ZBTB4: variants seen among roughly 807,000 people sequenced by gnomAD.
The protein encoded by ZBTB4 is zinc finger and BTB domain containing 4.
A neutral mutation model predicts 59.8 loss-of-function variants in ZBTB4; 14 were observed. The observed-to-expected ratio is 0.23, with a 90% CI of 0.15 to 0.37. The LOEUF (loss-of-function observed/expected upper bound fraction) is 0.37. ZBTB4 is among the 10% of genes least tolerant of loss of function. The pLI is 1.00. For synonymous variants in ZBTB4, 587 were observed against 575.2 expected (o/e 1.02, Z -0.29); for missense variants, 1,198 against 1,380.8 (o/e 0.87, Z 2.10).
At chr17:7,463,929 C>T in intron 3 of ZBTB4, 39 bp from the exon 4 acceptor site, 3 of 1,578,940 alleles carry the variant, frequency 1.9e-6, no homozygotes, top group Non-Finnish European at 2.6e-6. Flanking sequence ...GGAACACAGG[C>T]ACTTGAGTCA....
chr17:7,477,588 G>C (rs1002497308), intron 1 of ZBTB4, among the ~76,000 whole-genome samples: 1 of 152,156 alleles, frequency 6.6e-6, no homozygotes, highest in African/African-American at 2.4e-5. Context: ...CACACCCCTA[G>C]AAGGGCCCAG....
At chr17:7,480,732 A>G (rs2070334235), upstream of ZBTB4, among the ~76,000 whole-genome samples, 1 of 151,910 alleles carries the variant, frequency 6.6e-6, no homozygotes, top group Non-Finnish European at 1.5e-5. Flanking sequence ...AAAAAAAACA[A>G]CAACAAAAAA....
chr17:7,470,734 A>G (rs777438373), intron 1 of ZBTB4, among the ~76,000 whole-genome samples: 8 of 152,180 alleles, frequency 5.3e-5, no homozygotes, highest in Non-Finnish European at 1.2e-4. Context: ...TGGCTTATCA[A>G]TGCTAGGTAG....
chr17:7,474,109 G>T (rs888904713), intron 1 of ZBTB4, among the ~76,000 whole-genome samples: 2 of 151,642 alleles, frequency 1.3e-5, no homozygotes, highest in Non-Finnish European at 2.9e-5. Flanking sequence ...TAGAGACAGG[G>T]TTTCACCATG....
chr17:7,478,683 C>G (rs2070302239), intron 1 of ZBTB4, among the ~76,000 whole-genome samples: 1 of 152,236 alleles, frequency 6.6e-6, no homozygotes, highest in Admixed American at 6.5e-5. Flanking sequence ...AGAAAACATA[C>G]AGCCCCACAT....
At chr17:7,471,909 G>C (rs947258342) in intron 1 of ZBTB4, among the ~76,000 whole-genome samples, 1 of 152,146 alleles carries the variant, frequency 6.6e-6, no homozygotes, top group African/African-American at 2.4e-5. Flanking sequence ...TTTTTTATTT[G>C]TTTGTTCTTA....
Position 7,479,249 on chromosome 17 carries a change from G to A in ZBTB4, c.-81+207C>T, listed in dbSNP as rs374141765. ...CCCCTCGCTCGGACGCCATACCAGG[G>A]CCCCCTTAGTCGCCCCCCAGCGTCG... On this transcript the variant is annotated intron_variant, in intron 1 of 3. Coordinates refer to ENST00000380599, the MANE Select transcript of ZBTB4 (RefSeq NM_001128833.2). Among the ~76,000 whole-genome samples the A allele has an allele frequency of 5.3e-5, 8 of 152,182 alleles. No individual in the cohort carries two copies. The East Asian group carries it at 1.6e-3, about 29-fold the overall frequency.
intron 1 of ZBTB4, among the ~76,000 whole-genome samples, chr17:7,477,984 G>C (rs979876190): frequency 6.6e-6 from 1 of 152,026 alleles, no homozygotes; most frequent in South Asian, 2.1e-4. Flanking sequence ...GCCTCCATGC[G>C]CTACCCTGCA....
In ZBTB4 at chr17:7,462,398, C is replaced by T; in HGVS notation, c.2584G>A (p.Ala862Thr). ...ISGGEEPPVV[A>T]SGGSYVYPPV... ...GGGTATACATAGCTGCCCCCGCTTG[C>T]CACTACTGGGGGCTCCTCACCCCCT... is the stretch of plus-strand genomic sequence containing the variant. Residue 862 changes from alanine to threonine, a missense_variant, in exon 4 of 4, where the codon GCA becomes ACA. Coordinates refer to ENST00000380599, the MANE Select transcript of ZBTB4 (RefSeq NM_001128833.2). The surrounding 1 kb of genome is among the most constrained non-coding windows in gnomAD (Gnocchi z 7.5). The T allele has an allele frequency of 6.2e-7, 1 of 1,613,942 alleles. No individual in the cohort carries two copies. The highest frequency in any genetic ancestry group is 8.5e-7 in the Non-Finnish European group (1 of 1,179,998).
chr17:7,466,022 G>A lies in ZBTB4; in HGVS notation c.780C>T (p.Ala260=). The part of the protein sequence containing the change: ...QTHEAQCRRG[A]STRGSTGLGA... ...CCAGCCCTGTAGACCCCCGCGTGCT[G>A]GCCCCTCGTCGGCACTGGGCCTCAT... The change falls in exon 3 of 4, where the codon GCC becomes GCT. Residue 260 remains alanine, a synonymous_variant. Transcript: ENST00000380599. This position sits in a 1 kb window ranked among gnomAD's most constrained non-coding sequence, Gnocchi z 9.1. 1 of 1,607,960 alleles carries A rather than the reference G, an allele frequency of 6.2e-7. No homozygotes were observed. The highest frequency in any genetic ancestry group is 8.5e-7 in the Non-Finnish European group (1 of 1,176,348).
upstream of ZBTB4, chr17:7,483,156 G>A: frequency 7.1e-7 from 1 of 1,403,862 alleles, no homozygotes; most frequent in Non-Finnish European, 9.6e-7. Context: ...GGTGGAGAGG[G>A]ACTACCTGGA....
At chr17:7,473,761 G>A (rs1448710793) in intron 1 of ZBTB4, among the ~76,000 whole-genome samples, 2 of 151,970 alleles carry the variant, frequency 1.3e-5, no homozygotes, top group East Asian at 1.9e-4. Context: ...GTTCCCCAGG[G>A]CTGGTATTGA....
At chr17:7,473,751 G>C (rs1258500276) in intron 1 of ZBTB4, among the ~76,000 whole-genome samples, 1 of 151,956 alleles carries the variant, frequency 6.6e-6, no homozygotes, top group Admixed American at 6.6e-5. Flanking sequence ...GTTTCACCAT[G>C]TTCCCCAGGG....
intron 1 of ZBTB4, among the ~76,000 whole-genome samples, chr17:7,472,073 C>T (rs2070204970): frequency 1.3e-5 from 2 of 152,182 alleles, no homozygotes; most frequent in Non-Finnish European, 2.9e-5. Context: ...CCCCAACTTC[C>T]TTTAAGCCTT....
At chr17:7,484,095 A>C (rs1432217845), upstream of ZBTB4, 2 of 152,332 alleles carry the variant, frequency 1.3e-5, no homozygotes, top group African/African-American at 4.8e-5. Context: ...CTAGAATGAA[A>C]GCGGCCCAAT....
At chr17:7,464,241 C>T (rs1221373788) in intron 3 of ZBTB4, among the ~76,000 whole-genome samples, 1 of 152,186 alleles carries the variant, frequency 6.6e-6, no homozygotes, top group Non-Finnish European at 1.5e-5. Flanking sequence ...GCCTGTGCTG[C>T]CACAGTCCTT....
At chr17:7,467,948 T>G (rs1006215121) in intron 1 of ZBTB4, among the ~76,000 whole-genome samples, 1 of 152,182 alleles carries the variant, frequency 6.6e-6, no homozygotes, top group African/African-American at 2.4e-5. Flanking sequence ...TGGAGGGCAC[T>G]GGAAAGGCCA....
At position 7,466,252 on chromosome 17, in the gene ZBTB4, C is replaced by T. The variant is rs1252029121; in HGVS notation, c.550G>A (p.Ala184Thr). 1.9e-6 allele frequency: 3 copies of T among 1,613,068 alleles called. No homozygotes were observed. The highest frequency in any genetic ancestry group is 2.5e-6 in the Non-Finnish European group (3 of 1,179,592). The stretch of plus-strand genomic sequence containing the variant: ...GGGGCTGGGGTAGGAGGTACCCAGG[C>T]ATCACCTCCCTCCCCCAGGCCCTGA... The part of the protein sequence containing the change: ...RLQGLGEGGD[A>T]WVPPTPAPMA... Residue 184 changes from alanine to threonine, a missense_variant, in exon 3 of 4, where the codon GCC becomes ACC. Physicochemically the swap from Ala to Thr is moderately conservative, Grantham distance 58 (BLOSUM62 0). Transcript: ENST00000380599. This position sits in a 1 kb window ranked among gnomAD's most constrained non-coding sequence, Gnocchi z 9.1.
upstream of ZBTB4, chr17:7,483,979 A>ACCCCCC (rs2070380263): frequency 6.6e-6 from 1 of 151,294 alleles, no homozygotes. Context: ...CCCCGGGAGG[A>ACCCCCC]CCCGCCCCGC....
Sources: allele counts gnomAD v4.1 joint callset (sites outside exome capture counted in the v4.1 genomes callset), GRCh38; gene constraint gnomAD v4.1.1; non-coding constraint Gnocchi (gnomAD v3.1); transcripts MANE v1.5; gene names NCBI Gene and HGNC (gene_info 2026-07-23, HGNC 2026-07-21).